Variants in TRANK1 observed in about 807,000 individuals in gnomAD.
TRANK1 encodes tetratricopeptide repeat and ankyrin repeat containing 1.
TRANK1 carries 198 observed loss-of-function variants against 266.0 expected under a neutral mutation model. That is an observed-to-expected ratio of 0.74 (90% CI 0.66 to 0.84). The LOEUF is 0.84. Ranked by LOEUF, TRANK1 falls within the 40% of genes least tolerant of loss-of-function variation. The pLI is 0.00. For missense variants in TRANK1, 3,326 were observed against 3,634.6 expected, an observed-to-expected ratio of 0.92 and a Z score of 2.18; for synonymous variants, 1,396 against 1,384.1, an observed-to-expected ratio of 1.01 and a Z score of -0.19.
At chr3:36,920,232 C>G (rs998166767) in intron 1 of TRANK1, among the ~76,000 whole-genome samples, 1 of 152,172 alleles carries the variant, frequency 6.6e-6, no homozygotes, top group Non-Finnish European at 1.5e-5. Flanking sequence ...AAAGTTGACC[C>G]TTAGTAACAG....
At chr3:36,844,369 G>C (rs2078887590) in intron 17 of TRANK1, among the ~76,000 whole-genome samples, 1 of 152,138 alleles carries the variant, frequency 6.6e-6, no homozygotes, top group Admixed American at 6.5e-5. Flanking sequence ...TGGGACTACA[G>C]GCATGCACCA....
chr3:36,830,920 ACC>A lies in TRANK1; in HGVS notation c.8661_8662del (p.Arg2887SerfsTer56). ...GTAGAGGTCCTCCACCATATCCGAA[ACC>A]CTCTTGATGTGCTCCTGGACCTTCT... On this transcript the variant is annotated frameshift_variant, in exon 22 of 24. Transcript: ENST00000645898. LOFTEE classifies it high-confidence loss of function. The A allele has an allele frequency of 6.2e-7, 1 of 1,613,070 alleles. No individual in the cohort carries two copies. The highest frequency in any genetic ancestry group is 8.5e-7 in the Non-Finnish European group (1 of 1,179,496).
At chr3:36,887,786 G>A (rs1175850306) in intron 8 of TRANK1, among the ~76,000 whole-genome samples, 1 of 152,196 alleles carries the variant, frequency 6.6e-6, no homozygotes, top group Admixed American at 6.5e-5. Flanking sequence ...AGAGCTAGTT[G>A]TTTGCCAGAA....
chr3:36,860,791 T>G, intron 11 of TRANK1, 115 bp downstream of exon 11: 1 of 1,410,044 alleles, frequency 7.1e-7, no homozygotes, highest in Non-Finnish European at 9.4e-7. Context: ...GGGTAGGCAA[T>G]GAGGGTGAAC....
At position 36,838,170 on chromosome 3, in the gene TRANK1, C is replaced by T. The variant is rs547097505; in HGVS notation, c.5517+202G>A. ...TAACACACAAACACACACACACACA[C>T]GCACATGCATACTGTCTTCAGAGCC... On this transcript the variant is annotated intron_variant, in intron 20 of 23. Coordinates refer to ENST00000645898, the MANE Select transcript of TRANK1 (RefSeq NM_001329998.2). 7.8e-4 allele frequency among the ~76,000 whole-genome samples: 119 copies of T among 152,300 alleles called. 1 individual carries two copies. In the Middle Eastern group the frequency reaches 0.01, roughly 13 times the overall value.
At position 36,834,744 on chromosome 3, in the gene TRANK1, G is replaced by A. The variant is rs774030315; in HGVS notation, c.5663+18C>T. ...TGGGAGGAAGAGAGGGAGAAAGGGA[G>A]AGAATAAAACCACCTACTTTTCCAC... On this transcript the variant is annotated intron_variant, in intron 21 of 23. Transcript: ENST00000645898. 5.6e-6 allele frequency: 9 copies of A among 1,604,818 alleles called. No homozygotes were observed. In the East Asian group the frequency reaches 2.0e-4, roughly 36 times the overall value.
At chr3:36,914,473 A>G (rs1334903985) in intron 1 of TRANK1, among the ~76,000 whole-genome samples, 1 of 140,700 alleles carries the variant, frequency 7.1e-6, no homozygotes, top group Non-Finnish European at 1.6e-5. Context: ...TTTTAAGTAA[A>G]TTTTATTGAG....
At chr3:36,930,956 C>T (rs2080353448) in intron 1 of TRANK1, among the ~76,000 whole-genome samples, 1 of 151,622 alleles carries the variant, frequency 6.6e-6, no homozygotes, top group Non-Finnish European at 1.5e-5. Flanking sequence ...TAAAAAGCAC[C>T]GAGAAAAAGA....
chr3:36,917,043 T>C (rs1214690375), intron 1 of TRANK1, among the ~76,000 whole-genome samples: 1 of 152,118 alleles, frequency 6.6e-6, no homozygotes, highest in Non-Finnish European at 1.5e-5. Flanking sequence ...CTCGAACTCC[T>C]GACCTCAAAT....
chr3:36,881,862 T>C (rs112789379), intron 8 of TRANK1, among the ~76,000 whole-genome samples: 4,276 of 152,320 alleles, frequency 0.028, 83 homozygotes, highest in Non-Finnish European at 0.041. Flanking sequence ...TGGTCTTTTT[T>C]GTCTGCTTCT....
At chr3:36,892,876 T>TATATATATATATAG (rs2079727996) in intron 6 of TRANK1, 25 bp downstream of exon 6, 1 of 897,236 alleles carries the variant, frequency 1.1e-6, no homozygotes, top group Admixed American at 3.9e-5. Flanking sequence ...TATATAGATA[T>TATATATATATATAG]ATATAGATAT....
chr3:36,845,959 A>T (rs2078908414), intron 17 of TRANK1, among the ~76,000 whole-genome samples: 1 of 152,210 alleles, frequency 6.6e-6, no homozygotes, highest in Non-Finnish European at 1.5e-5. Flanking sequence ...AAACACTCAT[A>T]GCACTTTGTA....
chr3:36,934,676 C>G lies in TRANK1; in HGVS notation c.23+10111G>C, dbSNP rs1045507027. Among the ~76,000 whole-genome samples, 4 of 152,172 alleles carry G rather than the reference C, an allele frequency of 2.6e-5. No individual in the cohort carries two copies. In the South Asian group the frequency reaches 8.3e-4, roughly 31 times the overall value. On this transcript the variant is annotated intron_variant, in intron 1 of 23. Coordinates refer to ENST00000645898, the MANE Select transcript of TRANK1 (RefSeq NM_001329998.2). ...CATTCATTCCAGGTGGCCACAAGTT[C>G]ACGCCCCAGATGAATCCTATGTGCC...
At chr3:36,929,882 G>GGTTGTT (rs1338200740) in intron 1 of TRANK1, among the ~76,000 whole-genome samples, 1 of 99,352 alleles carries the variant, frequency 1.0e-5, no homozygotes, top group Non-Finnish European at 2.4e-5. Context: ...AGATGCAGCA[G>GGTTGTT]ATTGTTGTTG....
intron 7 of TRANK1, among the ~76,000 whole-genome samples, chr3:36,891,374 T>C (rs1373296417): frequency 1.3e-5 from 2 of 152,072 alleles, no homozygotes; most frequent in African/African-American, 4.8e-5. Flanking sequence ...TTCCCCACTA[T>C]ATGAAATGAA....
Position 36,831,777 on chromosome 3 carries a change from G to C in TRANK1, c.7806C>G (p.Asp2602Glu), listed in dbSNP as rs1293975036. 1.9e-6 allele frequency: 3 copies of C among 1,613,878 alleles called. No individual in the cohort carries two copies. Among genetic ancestry groups the C allele is most frequent in the Non-Finnish European group, 1.7e-6 (2 of 1,179,896 alleles). ...GCCTCTCGGGAACCTGGCCAGGGCA[G>C]TCCATGCTCATGAGCTGCAGCCTTG... ...IESRLQLMSM[D>E]CPGQVPERLL... The change falls in exon 22 of 24, where the codon GAC becomes GAG. Residue 2602 changes from aspartate (D) to glutamate (E), a missense_variant. Transcript: ENST00000645898. This position sits in a 1 kb window ranked among gnomAD's most constrained non-coding sequence, Gnocchi z 5.0.
chr3:36,930,457 A>G (rs1010786995), intron 1 of TRANK1, among the ~76,000 whole-genome samples: 5 of 152,170 alleles, frequency 3.3e-5, no homozygotes, highest in South Asian at 2.1e-4. Context: ...GCTAGCCCAC[A>G]CTTCTAACCT....
intron 1 of TRANK1, among the ~76,000 whole-genome samples, chr3:36,930,975 A>G (rs575566334): frequency 1.2e-4 from 19 of 152,320 alleles, no homozygotes; most frequent in African/African-American, 4.3e-4. Context: ...GAAAAGCACT[A>G]ACAGAAAATA....
chr3:36,896,434 G>A (rs539323160), intron 4 of TRANK1, among the ~76,000 whole-genome samples: 50 of 152,242 alleles, frequency 3.3e-4, no homozygotes, highest in South Asian at 1.0e-3. Context: ...CAAAACAAAC[G>A]CATACTATAT....
Sources: gnomAD v4.1 joint callset for allele counts (sites outside exome capture counted in the v4.1 genomes callset) on GRCh38, gnomAD v4.1.1 for gene constraint, Gnocchi (gnomAD v3.1) non-coding constraint, MANE v1.5 for transcripts, NCBI Gene and HGNC (gene_info 2026-07-23, HGNC 2026-07-21) for gene names.